The following TTC39B variants were observed in gnomAD, a reference collection of about 807,000 sequenced individuals.
TTC39B encodes tetratricopeptide repeat domain 39B.
A neutral mutation model predicts 96.6 loss-of-function variants in TTC39B; 92 were observed. The observed-to-expected ratio is 0.95, with a 90% CI of 0.80 to 1.13. The LOEUF (loss-of-function observed/expected upper bound fraction) is 1.13. Ranked by LOEUF, TTC39B falls within the 50% of genes most tolerant of loss-of-function variation. TTC39B has a pLI of 0.00. For synonymous variants in TTC39B, 367 were observed against 299.4 expected (o/e 1.23, Z -2.33); for missense variants, 955 against 809.3 (o/e 1.18, Z -2.18).
chr9:15,238,757 G>A (rs573482951), intron 2 of TTC39B, among the ~76,000 whole-genome samples: 11 of 152,228 alleles, frequency 7.2e-5, no homozygotes, highest in Admixed American at 2.6e-4. Context: ...AGGCTGAGAC[G>A]GGCTGATCAC....
chr9:15,287,295 T>C (rs1326756109), intron 1 of TTC39B, among the ~76,000 whole-genome samples: 1 of 152,196 alleles, frequency 6.6e-6, no homozygotes, highest in East Asian at 1.9e-4. Context: ...GAGAAATCTA[T>C]AGTGACATCT....
intron 2 of TTC39B, chr9:15,232,224 C>T (rs1158068772): frequency 1.3e-5 from 2 of 152,656 alleles, no homozygotes; most frequent in Non-Finnish European, 2.9e-5. Context: ...TAGGCGCCAC[C>T]TACTGACCTC....
At chr9:15,184,122 G>A (rs151279264) in intron 16 of TTC39B, among the ~76,000 whole-genome samples, 45 of 152,166 alleles carry the variant, frequency 3.0e-4, no homozygotes, top group Admixed American at 2.0e-3. Context: ...AAATAAAAAT[G>A]AAGAAACACA....
intron 1 of TTC39B, among the ~76,000 whole-genome samples, chr9:15,302,249 C>A (rs1587042188): frequency 6.6e-6 from 1 of 151,806 alleles, no homozygotes; most frequent in Non-Finnish European, 1.5e-5. Flanking sequence ...TCACTTGAGC[C>A]CGGGAGGCAG....
intron 7 of TTC39B, 84 bp downstream of exon 7, chr9:15,203,739 T>G: frequency 9.0e-7 from 1 of 1,111,062 alleles, no homozygotes. Context: ...GAACTGAAGC[T>G]TTGACATAGA....
exon 17 of TTC39B, chr9:15,182,312 C>G (rs1449099259): frequency 1.2e-6 from 2 of 1,607,894 alleles, no homozygotes; most frequent in Non-Finnish European, 1.7e-6. Flanking sequence ...CTTACTTTGA[C>G]TTTGTAAAGC....
chr9:15,297,397 A>G (rs901209139), intron 1 of TTC39B, among the ~76,000 whole-genome samples: 1 of 152,232 alleles, frequency 6.6e-6, no homozygotes, highest in Admixed American at 6.5e-5. Flanking sequence ...GCTCTAAGTC[A>G]CACAGCTAGT....
At chr9:15,258,322 T>C (rs945411069) in intron 2 of TTC39B, among the ~76,000 whole-genome samples, 1 of 151,958 alleles carries the variant, frequency 6.6e-6, no homozygotes, top group Non-Finnish European at 1.5e-5. Context: ...AAGAAAGGAA[T>C]CAAAGATGTC....
intron 2 of TTC39B, chr9:15,232,373 G>A (rs1821475498): frequency 1.3e-5 from 2 of 152,640 alleles, no homozygotes; most frequent in South Asian, 4.2e-4. Flanking sequence ...AGGTGGGGGG[G>A]ACGCCCATCT....
chr9:15,215,900 A>T (rs1008872501), intron 3 of TTC39B, among the ~76,000 whole-genome samples: 1 of 152,194 alleles, frequency 6.6e-6, no homozygotes, highest in African/African-American at 2.4e-5. Context: ...ATGAAATAAA[A>T]ATAAATAAAC....
intron 2 of TTC39B, among the ~76,000 whole-genome samples, chr9:15,246,463 C>T (rs751881316): frequency 1.3e-5 from 2 of 152,054 alleles, no homozygotes; most frequent in Non-Finnish European, 2.9e-5. Flanking sequence ...AAAAATTTGG[C>T]AAGTGTGGTA....
At chr9:15,188,331 C>T (rs781648786) in intron 13 of TTC39B, among the ~76,000 whole-genome samples, 199 bp from the exon 14 acceptor site, 3 of 152,088 alleles carry the variant, frequency 2.0e-5, no homozygotes, top group Non-Finnish European at 2.9e-5. Context: ...TGTGAGAGGG[C>T]CTTGACACTT....
chr9:15,220,001 T>G (rs1195692615), intron 3 of TTC39B, among the ~76,000 whole-genome samples: 3 of 152,212 alleles, frequency 2.0e-5, no homozygotes, highest in Non-Finnish European at 2.9e-5. Flanking sequence ...AGCTGAGAAT[T>G]TGATCTCCAT....
At chr9:15,226,041 TTTTA>T in intron 2 of TTC39B, 29 bp from the exon 3 acceptor site, 1 of 1,604,728 alleles carries the variant, frequency 6.2e-7, no homozygotes, top group Non-Finnish European at 8.5e-7. Flanking sequence ...GAGCAAGGTT[TTTTA>T]TTTCTTTGTC....
intron 2 of TTC39B, 57 bp from the exon 3 acceptor site, chr9:15,226,069 C>A: frequency 6.8e-7 from 1 of 1,470,508 alleles, no homozygotes; most frequent in Non-Finnish European, 9.5e-7. Flanking sequence ...TGAGAAAAGT[C>A]TACACCAGTG....
At chr9:15,188,225 G>C (rs181085003) in intron 13 of TTC39B, 93 bp from the exon 14 acceptor site, 73 of 1,308,568 alleles carry the variant, frequency 5.6e-5, no homozygotes, top group Middle Eastern at 4.6e-4. Flanking sequence ...AGTACAAAAA[G>C]GACAAAATTA....
intron 2 of TTC39B, among the ~76,000 whole-genome samples, chr9:15,261,115 C>A (rs1822928870): frequency 6.6e-6 from 1 of 152,172 alleles, no homozygotes; most frequent in South Asian, 2.1e-4. Context: ...TTAATCAGTG[C>A]CCAACCAGGA....
chr9:15,302,539 C>CAAAAAAAA lies in TTC39B; in HGVS notation c.240+4537_240+4544dup. 4.3e-5 allele frequency among the ~76,000 whole-genome samples: 2 copies of CAAAAAAAA among 46,762 alleles called. 1 individual carries two copies. Among genetic ancestry groups the CAAAAAAAA allele is most frequent in the Non-Finnish European group, 6.9e-5 (2 of 29,188 alleles). 30.7% of individuals were successfully genotyped at this position (46,762 alleles called of 152,430 possible). ...TGGGTGACAAAGCGAGATTCCGTCT[C>CAAAAAAAA]AAAAAAAAAAAAAAAAAAAAAAAAG... On this transcript the variant is annotated intron_variant, in intron 1 of 19. Transcript: ENST00000512701.
At chr9:15,280,325 A>G (rs796488213) in intron 1 of TTC39B, among the ~76,000 whole-genome samples, 6 of 152,344 alleles carry the variant, frequency 3.9e-5, no homozygotes, top group African/African-American at 1.4e-4. Context: ...AAAGCCAAAA[A>G]TATTTACGCT....
Sources: gnomAD v4.1 joint callset for allele counts (sites outside exome capture counted in the v4.1 genomes callset) on GRCh38, gnomAD v4.1.1 for gene constraint, MANE v1.5 for transcripts, NCBI Gene and HGNC (gene_info 2026-07-23, HGNC 2026-07-21) for gene names.